CCDC150: variants seen among roughly 807,000 people sequenced by gnomAD.
The protein encoded by CCDC150 is coiled-coil domain containing 150, also known as coiled-coil domain-containing protein 150.
In CCDC150, 151 loss-of-function variants were observed where a neutral mutation model predicts 156.5. The observed-to-expected ratio is 0.97, with a 90% CI of 0.85 to 1.10. CCDC150 has a LOEUF of 1.10. CCDC150 is among the 50% of genes least tolerant of loss of function. The pLI, the probability that CCDC150 is intolerant of heterozygous loss-of-function variation, is 0.00. For synonymous variants in CCDC150, 452 were observed against 429.4 expected (o/e 1.05, Z -0.65); for missense variants, 1,312 against 1,268.1 (o/e 1.03, Z -0.53).
chr2:196,713,337 G>C (rs1697264845), intron 17 of CCDC150: 1 of 1,442,040 alleles, frequency 6.9e-7, no homozygotes, highest in Non-Finnish European at 9.1e-7. Context: ...TGATTTTATT[G>C]TTTTTATTAA....
chr2:196,695,116 T>A lies in CCDC150; in HGVS notation c.1580T>A (p.Met527Lys). 1.9e-6 allele frequency: 3 copies of A among 1,612,866 alleles called. No homozygotes were observed. Among genetic ancestry groups the A allele is most frequent in the Non-Finnish European group, 1.7e-6 (2 of 1,178,966 alleles). Residue 527 changes from methionine to lysine, a missense_variant, in exon 14 of 28, where the codon ATG (methionine) becomes AAG (lysine). Transcript: ENST00000389175. Reference protein sequence around the residue: ...EEENKHLADQMASLELQQVTS... With the variant: ...EEENKHLADQKASLELQQVTS... The stretch of plus-strand genomic sequence containing the variant: ...GAGAATAAGCACCTGGCAGATCAAA[T>A]GGCTTCCCTAGAACTTCAGCAAGTC...
chr2:196,728,096 G>C (rs1175284544), intron 22 of CCDC150: 1 of 151,794 alleles, frequency 6.6e-6, no homozygotes, highest in Non-Finnish European at 1.5e-5. Context: ...CAGTGAGAGA[G>C]TGACAGCAGT....
intron 6 of CCDC150, among the ~76,000 whole-genome samples, chr2:196,666,002 C>T (rs1693820058): frequency 1.3e-5 from 2 of 152,100 alleles, no homozygotes; most frequent in African/African-American, 4.8e-5. Flanking sequence ...TTATACCATA[C>T]AATCTCTGTT....
Position 196,717,186 on chromosome 2 carries a change from G to C in CCDC150, c.1867-1317G>C, listed in dbSNP as rs540781260. On this transcript the variant is annotated intron_variant, in intron 17 of 27. Transcript: ENST00000389175. ...TTACAGGGGTGAGCCACCACGCCCA[G>C]CCTAAAGTAACATTCTTGACAGAAC... Among the ~76,000 whole-genome samples the C allele has an allele frequency of 1.5e-4, 23 of 152,218 alleles. No individual in the cohort carries two copies. In the East Asian group the frequency reaches 4.4e-3, roughly 29 times the overall value.
intron 11 of CCDC150, 135 bp from the exon 12 acceptor site, chr2:196,676,419 A>G (rs1575811417): frequency 7.6e-7 from 1 of 1,308,626 alleles, no homozygotes; most frequent in East Asian, 2.3e-5. Flanking sequence ...TCTGCCCTCA[A>G]GAAACTAGTT....
intron 23 of CCDC150, 55 bp downstream of exon 23, chr2:196,729,442 T>A: frequency 6.5e-7 from 1 of 1,532,828 alleles, no homozygotes; most frequent in Non-Finnish European, 9.0e-7. Context: ...ATGTAGTCAG[T>A]CAATGGTGTC....
chr2:196,669,855 C>G lies in CCDC150; in HGVS notation c.915C>G (p.Ser305=), dbSNP rs1458021474. 1 of 1,610,732 alleles carries G rather than the reference C, an allele frequency of 6.2e-7. No homozygotes were observed. Reference sequence around the variant, plus strand: ...TAGCTTCTAGAGATGACCTCATTTCCAAGTTGGTTGAAGAAAATAAGGTGA... The same window carrying G: ...TAGCTTCTAGAGATGACCTCATTTCGAAGTTGGTTGAAGAAAATAAGGTGA... ...SDLTSRDDLI[S]KLVEENKNLQ... Residue 305 remains serine (S), a synonymous_variant, in exon 8 of 28, where the codon TCC becomes TCG. Coordinates refer to ENST00000389175, the MANE Select transcript of CCDC150 (RefSeq NM_001080539.2).
At chr2:196,693,676 G>GA (rs1695626851) in intron 13 of CCDC150, among the ~76,000 whole-genome samples, 1 of 152,100 alleles carries the variant, frequency 6.6e-6, no homozygotes, top group Admixed American at 6.5e-5. Context: ...CCTCCTGTAT[G>GA]ATGTGGAATA....
chr2:196,678,619 G>A (rs138581303), intron 13 of CCDC150, among the ~76,000 whole-genome samples: 1 of 152,210 alleles, frequency 6.6e-6, no homozygotes, highest in African/African-American at 2.4e-5. Flanking sequence ...GTTAGTGAAT[G>A]AGAGTGGGCG....
chr2:196,731,923 G>C, intron 26 of CCDC150, 110 bp from the exon 27 acceptor site: 1 of 950,942 alleles, frequency 1.1e-6, no homozygotes, highest in Non-Finnish European at 1.6e-6. Flanking sequence ...AGAACAAGCA[G>C]TCAGAATTTG....
intron 13 of CCDC150, among the ~76,000 whole-genome samples, chr2:196,678,231 G>A (rs1694624348): frequency 6.6e-6 from 1 of 152,184 alleles, no homozygotes. Context: ...GGAGCAGCAA[G>A]GAGTTATTAG....
At chr2:196,720,479 A>G (rs1289064740) in intron 19 of CCDC150, 96 bp from the exon 20 acceptor site, 3 of 868,758 alleles carry the variant, frequency 3.5e-6, no homozygotes, top group African/African-American at 3.4e-5. Flanking sequence ...ATGCTATTTG[A>G]GCTTCTTAGA....
chr2:196,676,757 C>T, intron 12 of CCDC150, 26 bp downstream of exon 12: 2 of 1,572,868 alleles, frequency 1.3e-6, no homozygotes, highest in Non-Finnish European at 1.7e-6. Context: ...TTTACATTAT[C>T]TTCTCATTGT....
At chr2:196,721,819 C>G in intron 21 of CCDC150, 128 bp downstream of exon 21, 1 of 721,352 alleles carries the variant, frequency 1.4e-6, no homozygotes, top group South Asian at 2.3e-5. Flanking sequence ...GTACTTCCAG[C>G]AGAGCCATGT....
At chr2:196,721,834 A>G in intron 21 of CCDC150, 143 bp downstream of exon 21, 1 of 642,714 alleles carries the variant, frequency 1.6e-6, no homozygotes, top group Non-Finnish European at 2.6e-6. Context: ...CCATGTTAAG[A>G]ACCAGGCATA....
At chr2:196,689,590 G>A (rs1167820665) in intron 13 of CCDC150, among the ~76,000 whole-genome samples, 1 of 152,032 alleles carries the variant, frequency 6.6e-6, no homozygotes, top group Non-Finnish European at 1.5e-5. Flanking sequence ...TTTGTACATT[G>A]ATTTTGTATC....
chr2:196,645,680 G>C (rs773499361), intron 1 of CCDC150, among the ~76,000 whole-genome samples: 1 of 152,120 alleles, frequency 6.6e-6, no homozygotes, highest in East Asian at 1.9e-4. Context: ...TTGCGTTTTG[G>C]GGGAGGAGTC....
intron 17 of CCDC150, among the ~76,000 whole-genome samples, chr2:196,717,277 G>T (rs1230184089): frequency 6.6e-6 from 1 of 152,116 alleles, no homozygotes; most frequent in African/African-American, 2.4e-5. Context: ...CAAATTAGTG[G>T]TTGCCAGAGG....
rs1329846921 is a variant in CCDC150, at chr2:196,727,111, A to G, written c.2556+1012A>G. 2.0e-5 allele frequency: 3 copies of G among 152,250 alleles called. No homozygotes were observed. The East Asian group carries it at 5.8e-4, about 29-fold the overall frequency. 9.4% of individuals were successfully genotyped at this position (152,250 alleles called of 1,614,324 possible). A position where few individuals can be genotyped will look rare whatever the true frequency, so the allele number is the denominator to read the frequency against. ...AGTCAGAAAGCCCATTTTAATAGAAAAAAAATCAAACAGGCCAGGCGAGGC... is the reference window on the plus strand; with the variant it reads ...AGTCAGAAAGCCCATTTTAATAGAAGAAAAATCAAACAGGCCAGGCGAGGC... On this transcript the variant is annotated intron_variant, in intron 22 of 27. Transcript: ENST00000389175.
Sources: allele counts gnomAD v4.1 joint callset (sites outside exome capture counted in the v4.1 genomes callset), GRCh38; gene constraint gnomAD v4.1.1; transcripts MANE v1.5; gene names NCBI Gene and HGNC (gene_info 2026-07-23, HGNC 2026-07-21).